RB1CC1: variants seen among roughly 807,000 people sequenced by gnomAD.
The protein encoded by RB1CC1 is RB1-inducible coiled-coil protein 1.
Under a neutral mutation model 177.5 loss-of-function variants are expected in RB1CC1, and 46 were observed. The ratio of observed to expected loss-of-function variants is 0.26; its 90% CI spans 0.20 to 0.33. The LOEUF is 0.33. Among genes scored for constraint, RB1CC1 ranks in the 10% least tolerant of loss-of-function variants. The pLI is 1.00. For synonymous variants in RB1CC1, 666 were observed against 613.6 expected (o/e 1.09, Z -1.26); for missense variants, 1,703 against 1,816.3 (o/e 0.94, Z 1.13).
At chr8:52,706,466 T>C (rs754279952) in intron 1 of RB1CC1, among the ~76,000 whole-genome samples, 18 of 151,162 alleles carry the variant, frequency 1.2e-4, no homozygotes, top group African/African-American at 1.9e-4. Flanking sequence ...AGCCTCCGCC[T>C]CCCAGGTTCA....
intron 1 of RB1CC1, among the ~76,000 whole-genome samples, chr8:52,711,357 TAATC>T (rs763231350): frequency 2.0e-4 from 31 of 152,268 alleles, no homozygotes; most frequent in East Asian, 7.7e-4. Flanking sequence ...CCATAATAAA[TAATC>T]AGAGACAAGT....
At chr8:52,699,803 T>G (rs1188579863) in intron 1 of RB1CC1, among the ~76,000 whole-genome samples, 1 of 23,958 alleles carries the variant, frequency 4.2e-5, no homozygotes, top group African/African-American at 2.0e-4. Flanking sequence ...AATCTCCGTC[T>G]CAAAAAAAAA....
intron 1 of RB1CC1, among the ~76,000 whole-genome samples, chr8:52,709,664 C>T (rs970145802): frequency 1.3e-5 from 2 of 152,172 alleles, no homozygotes; most frequent in African/African-American, 4.8e-5. Flanking sequence ...TCTGAGCCCA[C>T]GAGGCAGTGG....
At chr8:52,689,838 CAAGAGA>C (rs1038081115) in intron 1 of RB1CC1, among the ~76,000 whole-genome samples, 2 of 151,964 alleles carry the variant, frequency 1.3e-5, no homozygotes, top group African/African-American at 4.8e-5. Flanking sequence ...CTTCCAGACT[CAAGAGA>C]ACTGCTTGAA....
intron 8 of RB1CC1, among the ~76,000 whole-genome samples, chr8:52,662,647 AC>A (rs1851730357): frequency 6.6e-6 from 1 of 152,046 alleles, no homozygotes; most frequent in Non-Finnish European, 1.5e-5. Context: ...CAGCTAAAGG[AC>A]AAGTGTGTCT....
chr8:52,671,038 A>AT (rs1293201397), intron 7 of RB1CC1, among the ~76,000 whole-genome samples: 6 of 152,180 alleles, frequency 3.9e-5, no homozygotes, highest in South Asian at 4.1e-4. Flanking sequence ...ACAATTCTAA[A>AT]TTTTTTCTGA....
Position 52,634,901 on chromosome 8 carries a change from A to G in RB1CC1, c.4440+20T>C, listed in dbSNP as rs199585099. 1.8e-4 allele frequency: 276 copies of G among 1,560,982 alleles called. 2 individuals are homozygous for G. The African/African-American group carries it at 3.3e-3, about 18-fold the overall frequency. Reference sequence around the variant, plus strand: ...CATTTAAAAATGTTAAGACCAATTTACCAAGAAGAAAAATCTTACCAGTCT... The same window carrying G: ...CATTTAAAAATGTTAAGACCAATTTGCCAAGAAGAAAAATCTTACCAGTCT... On this transcript the variant is annotated intron_variant, in intron 20 of 23. Coordinates refer to ENST00000025008, the MANE Select transcript of RB1CC1 (RefSeq NM_014781.5).
chr8:52,698,489 T>C (rs909184947), intron 1 of RB1CC1, among the ~76,000 whole-genome samples: 10 of 151,152 alleles, frequency 6.6e-5, no homozygotes, highest in African/African-American at 2.4e-4. Flanking sequence ...ATTTTTTGTA[T>C]GTTTTAGTAG....
intron 1 of RB1CC1, among the ~76,000 whole-genome samples, chr8:52,712,675 T>C (rs1857159937): frequency 6.6e-6 from 1 of 152,182 alleles, no homozygotes; most frequent in African/African-American, 2.4e-5. Flanking sequence ...AATATCCACT[T>C]TCCATCAACA....
In RB1CC1 at chr8:52,673,978, T is replaced by A. The variant is rs545215592; in HGVS notation, c.869A>T (p.Asp290Val). ...ATCTTTAGTGTCAATCGTAGTTTCA[T>A]CTTGCTGATGAACAGTACTTTGACA... ...ESCQSTVHQQDETTIDTKDGD... is the reference protein window; with the variant it reads ...ESCQSTVHQQVETTIDTKDGD... The change falls in exon 7 of 24, where the codon GAT becomes GTT. Residue 290 changes from aspartate to valine, a missense_variant. Physicochemically the swap from Asp to Val is radical, Grantham distance 152. This residue lies in a region of RB1CC1 where 315 missense variants were observed against 304.9 expected (regional missense o/e 1.03). Coordinates refer to ENST00000025008, the MANE Select transcript of RB1CC1 (RefSeq NM_014781.5). 1.2e-6 allele frequency: 2 copies of A among 1,614,204 alleles called. No homozygotes were observed. Among genetic ancestry groups the A allele is most frequent in the South Asian group, 1.1e-5 (1 of 91,088 alleles).
intron 10 of RB1CC1, 35 bp from the exon 11 acceptor site, chr8:52,661,042 A>T: frequency 6.2e-7 from 1 of 1,611,082 alleles, no homozygotes; most frequent in Non-Finnish European, 8.5e-7. Context: ...ACATAAACAT[A>T]CACCAATTCG....
chr8:52,656,092 A>T lies in RB1CC1; in HGVS notation c.3737T>A (p.Leu1246Gln), dbSNP rs921055599. Residue 1246 changes from leucine to glutamine, a missense_variant, in exon 15 of 24, where the codon CTA becomes CAA. Coordinates refer to ENST00000025008, the MANE Select transcript of RB1CC1 (RefSeq NM_014781.5). ...TTCTCTCTCCAATTTAAATTCTTTT[A>T]GGGCAGTCTGAATAGCTTCATCTTT... ...CEKDEAIQTA[L>Q]KEFKLEREVV... 1 of 1,613,622 alleles carries T rather than the reference A, an allele frequency of 6.2e-7. No homozygotes were observed. Among genetic ancestry groups the T allele is most frequent in the African/African-American group, 1.3e-5 (1 of 75,046 alleles).
chr8:52,661,079 A>T lies in RB1CC1; in HGVS notation c.1545+16T>A. The T allele has an allele frequency of 6.2e-7, 1 of 1,611,552 alleles. No homozygotes were observed. The highest frequency in any genetic ancestry group is 8.5e-7 in the Non-Finnish European group (1 of 1,179,026). Reference sequence around the variant, plus strand: ...TAAAGTTCATATACAGTTAAAATAGAATTCAACTTGCATACCTCCCTGTAG... The same window carrying T: ...TAAAGTTCATATACAGTTAAAATAGTATTCAACTTGCATACCTCCCTGTAG... On this transcript the variant is annotated intron_variant, in intron 10 of 23. Transcript: ENST00000025008.
rs1229133494 is a variant in RB1CC1 at position 52,625,283 on chromosome 8, C to T, written c.4637-496G>A. Among the ~76,000 whole-genome samples the T allele has an allele frequency of 3.3e-5, 5 of 152,206 alleles. No individual in the cohort carries two copies. The South Asian group carries it at 6.2e-4, about 19-fold the overall frequency. On this transcript the variant is annotated intron_variant, in intron 22 of 23. Transcript: ENST00000025008. ...CATCTGTATGCCACAGTGCTTGGCACAGCAGTGTGTATACAGTTGGTACTC... is the reference window on the plus strand; with the variant it reads ...CATCTGTATGCCACAGTGCTTGGCATAGCAGTGTGTATACAGTTGGTACTC...
intron 16 of RB1CC1, 127 bp from the exon 17 acceptor site, chr8:52,642,939 G>T (rs547090191): frequency 9.3e-7 from 1 of 1,070,780 alleles, no homozygotes; most frequent in Non-Finnish European, 1.2e-6. Context: ...TATGATTCAT[G>T]AAATGTTTTA....
At chr8:52,666,991 T>G (rs1180833791) in intron 8 of RB1CC1, among the ~76,000 whole-genome samples, 1 of 152,120 alleles carries the variant, frequency 6.6e-6, no homozygotes, top group African/African-American at 2.4e-5. Flanking sequence ...CCAAATGGTA[T>G]AAGTCATTAA....
At chr8:52,684,501 T>A (rs1255398326) in intron 3 of RB1CC1, among the ~76,000 whole-genome samples, 1 of 152,204 alleles carries the variant, frequency 6.6e-6, no homozygotes, top group Non-Finnish European at 1.5e-5. Flanking sequence ...CCATAAAGTC[T>A]TTGCTATTAT....
At chr8:52,706,680 C>A (rs1362953055) in intron 1 of RB1CC1, among the ~76,000 whole-genome samples, 1 of 150,502 alleles carries the variant, frequency 6.6e-6, no homozygotes. Flanking sequence ...TGCAGTAAGC[C>A]GAGATCTCGC....
chr8:52,658,579 G>GAAA (rs67680393), intron 13 of RB1CC1, among the ~76,000 whole-genome samples: 47 of 98,792 alleles, frequency 4.8e-4, no homozygotes, highest in Non-Finnish European at 5.2e-4. Context: ...TCCGTCTCAA[G>GAAA]AAAAAAAAAA....
Sources: gnomAD v4.1 joint callset for allele counts (sites outside exome capture counted in the v4.1 genomes callset) on GRCh38, gnomAD v4.1.1 for gene constraint, gnomAD v4.1.1 regional missense constraint, MANE v1.5 for transcripts, NCBI Gene and HGNC (gene_info 2026-07-23, HGNC 2026-07-21) for gene names.